Variants in RCC2 observed in about 807,000 individuals in gnomAD.
RCC2 encodes the protein regulator of chromosome condensation 2, also known as protein RCC2.
Under a neutral mutation model 64.1 loss-of-function variants are expected in RCC2, and 19 were observed. That is an observed-to-expected ratio of 0.30 (90% CI 0.21 to 0.44). The LOEUF (loss-of-function observed/expected upper bound fraction) is 0.44. RCC2 is among the 20% of genes least tolerant of loss of function. RCC2 has a pLI of 1.00. For missense variants in RCC2, 508 were observed against 710.4 expected (o/e 0.72, Z 3.24); for synonymous variants, 325 against 279.6 (o/e 1.16, Z -1.62).
rs1381055740 is a variant in RCC2 at position 17,407,604 on chromosome 1, T to G, written c.*1486A>C. 4 of 151,570 alleles carry G rather than the reference T, an allele frequency of 2.6e-5. No homozygotes were observed. The highest frequency in any genetic ancestry group is 9.7e-5 in the African/African-American group (4 of 41,068). The allele number at this position is 151,570 out of a possible 1,614,324, so 9.4% of individuals were successfully genotyped here. Reference sequence around the variant, plus strand: ...GCTACATGCCCTCCAAGGGCAGGAGTCACGGTAAGGAGCGACTGGGGTGGA... The same window carrying G: ...GCTACATGCCCTCCAAGGGCAGGAGGCACGGTAAGGAGCGACTGGGGTGGA... On this transcript the variant is annotated 3_prime_UTR_variant, in exon 13 of 13. Transcript: ENST00000375436.
chr1:17,438,191 C>A, intron 2 of RCC2, 39 bp downstream of exon 2: 1 of 1,168,202 alleles, frequency 8.6e-7, no homozygotes, highest in East Asian at 4.8e-5. Context: ...CCGCCGGCCC[C>A]GGCCCTGCGC....
In RCC2 at chr1:17,422,350, T is replaced by C. The variant is rs553793774; in HGVS notation, c.656-59A>G. The stretch of plus-strand genomic sequence containing the variant: ...ATAATGGTGAATGTTTTGAACTAGA[T>C]TTAGAATCAAAGGCATCAAAATAAT... On this transcript the variant is annotated intron_variant, in intron 5 of 12. Coordinates refer to ENST00000375436, the MANE Select transcript of RCC2 (RefSeq NM_018715.4). 4.8e-6 allele frequency: 7 copies of C among 1,455,378 alleles called. No homozygotes were observed. The South Asian group carries it at 8.1e-5, about 17-fold the overall frequency. The allele number at this position is 1,455,378 out of a possible 1,614,324, so 90.2% of individuals were successfully genotyped here. A position where few individuals can be genotyped will look rare whatever the true frequency, so the allele number is the denominator to read the frequency against.
At chr1:17,434,909 G>T (rs1311737950) in intron 2 of RCC2, among the ~76,000 whole-genome samples, 2 of 152,210 alleles carry the variant, frequency 1.3e-5, no homozygotes, top group African/African-American at 2.4e-5. Context: ...GTTCAAGACA[G>T]CCTGGCCAAC....
chr1:17,413,219 C>G, intron 9 of RCC2, 41 bp from the exon 10 acceptor site: 1 of 1,392,460 alleles, frequency 7.2e-7, no homozygotes, highest in Non-Finnish European at 1.0e-6. Flanking sequence ...GACCAGACAT[C>G]GAGAGCTGAG....
rs1247362544 is a variant in RCC2, at chr1:17,408,994, T to C, written c.*96A>G. ...CAAAAATGCACCTTCGGTCAACTTT[T>C]GCTTTTTTAAATTCCTCGTTTGACT... On this transcript the variant is annotated 3_prime_UTR_variant, in exon 13 of 13. Transcript: ENST00000375436. 5 of 960,140 alleles carry C rather than the reference T, an allele frequency of 5.2e-6. No homozygotes were observed. Among genetic ancestry groups the C allele is most frequent in the Non-Finnish European group, 3.4e-6 (2 of 591,016 alleles). 59.5% of individuals were successfully genotyped at this position (960,140 alleles called of 1,614,324 possible). A position where few individuals can be genotyped will look rare whatever the true frequency, so the allele number is the denominator to read the frequency against.
At chr1:17,411,975 A>G in intron 11 of RCC2, 147 bp downstream of exon 11, 1 of 714,020 alleles carries the variant, frequency 1.4e-6, no homozygotes, top group Non-Finnish European at 2.5e-6. Context: ...ATGGGACTCA[A>G]TCGTGTTGCA....
intron 2 of RCC2, among the ~76,000 whole-genome samples, chr1:17,430,145 C>T (rs1021731903): frequency 5.9e-5 from 9 of 152,210 alleles, no homozygotes; most frequent in African/African-American, 9.6e-5. Context: ...TATCACTTTC[C>T]GCTCTTACAC....
chr1:17,420,938 T>A (rs914951387), intron 6 of RCC2, 110 bp from the exon 7 acceptor site: 14 of 693,536 alleles, frequency 2.0e-5, no homozygotes, highest in Non-Finnish European at 3.2e-5. Context: ...GGAAGTTTAA[T>A]AAACTCAGTA....
chr1:17,410,087 C>A (rs1171338199), intron 11 of RCC2, 36 bp from the exon 12 acceptor site: 1 of 1,583,074 alleles, frequency 6.3e-7, no homozygotes, highest in East Asian at 2.2e-5. Context: ...AATCGAGGAT[C>A]CATGTGGCTC....
At chr1:17,424,290 G>A (rs572779216) in intron 4 of RCC2, among the ~76,000 whole-genome samples, 16 of 152,312 alleles carry the variant, frequency 1.1e-4, no homozygotes, top group African/African-American at 3.8e-4. Context: ...ACGTCTTGAT[G>A]GCGGGACATA....
chr1:17,420,654 T>C, intron 7 of RCC2, 60 bp downstream of exon 7: 1 of 1,076,196 alleles, frequency 9.3e-7, no homozygotes, highest in Non-Finnish European at 1.4e-6. Context: ...CCCACACTGA[T>C]CTCTAGTTCT....
At chr1:17,418,214 T>A (rs1312851365) in intron 7 of RCC2, among the ~76,000 whole-genome samples, 4 of 41,350 alleles carry the variant, frequency 9.7e-5, no homozygotes, top group African/African-American at 4.4e-4. Flanking sequence ...GCAGGTTCTA[T>A]TTTTTTTTTT....
At position 17,413,522 on chromosome 1, in the gene RCC2, G is replaced by T. The variant is rs745326616; in HGVS notation, c.1207+15C>A. 1 of 1,613,204 alleles carries T rather than the reference G, an allele frequency of 6.2e-7. No homozygotes were observed. Among genetic ancestry groups the T allele is most frequent in the African/African-American group, 1.3e-5 (1 of 74,914 alleles). Reference sequence around the variant, plus strand: ...CACCAGAGCACTGATAAGCCAGGGGGCAGAAATCACTAACCCACTTCACTG... The same window carrying T: ...CACCAGAGCACTGATAAGCCAGGGGTCAGAAATCACTAACCCACTTCACTG... On this transcript the variant is annotated intron_variant, in intron 9 of 12. Transcript: ENST00000375436.
chr1:17,409,406 G>C (rs1056316857), intron 12 of RCC2, among the ~76,000 whole-genome samples: 1 of 152,216 alleles, frequency 6.6e-6, no homozygotes, highest in African/African-American at 2.4e-5. Flanking sequence ...GGCTGCCCTG[G>C]GAGACCCAGC....
At position 17,426,759 on chromosome 1, in the gene RCC2, CTTTTTTTTTTTT is replaced by C. The variant is rs146347066; in HGVS notation, c.380-1087_380-1076del. On this transcript the variant is annotated intron_variant, in intron 3 of 12. Transcript: ENST00000375436. ...GGGGCAGGGCCAATTTCTTACTTTT[CTTTTTTTTTTTT>C]TTTTTTTTTTTTTGAGACAGTTTCA... 6.6e-3 allele frequency among the ~76,000 whole-genome samples: 731 copies of C among 110,034 alleles called. 5 individuals are homozygous for C. Among genetic ancestry groups the C allele is most frequent in the African/African-American group, 0.023 (668 of 28,454 alleles). 72.2% of individuals were successfully genotyped at this position (110,034 alleles called of 152,430 possible).
chr1:17,432,923 A>G (rs2075697614), intron 2 of RCC2, among the ~76,000 whole-genome samples: 1 of 152,098 alleles, frequency 6.6e-6, no homozygotes, highest in Non-Finnish European at 1.5e-5. Context: ...GCGCCACTGC[A>G]CTCCAGACTG....
At position 17,407,914 on chromosome 1, in the gene RCC2, G is replaced by A. The variant is rs1036862855; in HGVS notation, c.*1176C>T. ...GGGTCCAGGCGAGAGGAGGGTTCCG[G>A]GAAAGGCACCTCATAACTCACTCAG... On this transcript the variant is annotated 3_prime_UTR_variant, in exon 13 of 13. Coordinates refer to ENST00000375436, the MANE Select transcript of RCC2 (RefSeq NM_018715.4). The A allele has an allele frequency of 1.3e-5, 2 of 152,632 alleles. No homozygotes were observed. Among genetic ancestry groups the A allele is most frequent in the African/African-American group, 4.8e-5 (2 of 41,428 alleles). 9.5% of individuals were successfully genotyped at this position (152,632 alleles called of 1,614,324 possible). A position where few individuals can be genotyped will look rare whatever the true frequency, so the allele number is the denominator to read the frequency against.
At position 17,431,359 on chromosome 1, in the gene RCC2, A is replaced by ATAAAAATATATATATATATATATATAT. The variant is rs1265674393; in HGVS notation, c.286-2161_286-2160insATATATATATATATATATATATTTTTA. On this transcript the variant is annotated intron_variant, in intron 2 of 12. Coordinates refer to ENST00000375436, the MANE Select transcript of RCC2 (RefSeq NM_018715.4). The stretch of plus-strand genomic sequence containing the variant: ...AAAAAAAAAAAAAAAAAAAAAAAAA[A>ATAAAAATATATATATATATATATATAT]ATATATATATATATATATATATGTG... Among the ~76,000 whole-genome samples, 223 of 44,920 alleles carry ATAAAAATATATATATATATATATATAT rather than the reference A, an allele frequency of 5.0e-3. 24 individuals are homozygous for ATAAAAATATATATATATATATATATAT. The highest frequency in any genetic ancestry group is 0.033 in the East Asian group (54 of 1,646). 29.5% of individuals were successfully genotyped at this position (44,920 alleles called of 152,430 possible). A position where few individuals can be genotyped will look rare whatever the true frequency, so the allele number is the denominator to read the frequency against.
intron 2 of RCC2, among the ~76,000 whole-genome samples, chr1:17,437,695 C>G (rs1286906932): frequency 2.0e-5 from 3 of 146,776 alleles, no homozygotes; most frequent in Admixed American, 6.8e-5. Context: ...GGCCGTCAGG[C>G]CCCGCCCCCC....
Sources: gnomAD v4.1 joint callset for allele counts (sites outside exome capture counted in the v4.1 genomes callset) on GRCh38, gnomAD v4.1.1 for gene constraint, MANE v1.5 for transcripts, NCBI Gene and HGNC (gene_info 2026-07-23, HGNC 2026-07-21) for gene names.